The following FRAS1 variants were observed in gnomAD, a reference collection of about 807,000 sequenced individuals.
The protein encoded by FRAS1 is extracellular matrix organizing protein FRAS1.
Under a neutral mutation model 435.2 loss-of-function variants are expected in FRAS1, and 290 were observed. That is an observed-to-expected ratio of 0.67 (90% CI 0.61 to 0.73). FRAS1 has a LOEUF of 0.73. FRAS1 is among the 30% of genes least tolerant of loss of function. The pLI is 0.00. For synonymous variants in FRAS1, 1,800 were observed against 1,851.0 expected (o/e 0.97, Z 0.71); for missense variants, 4,860 against 5,001.5 (o/e 0.97, Z 0.85).
At chr4:78,452,957 G>T (rs772612781) in intron 47 of FRAS1, among the ~76,000 whole-genome samples, 1 of 152,204 alleles carries the variant, frequency 6.6e-6, no homozygotes, top group African/African-American at 2.4e-5. Flanking sequence ...CACAGAGGTG[G>T]CATTTAAGAG....
chr4:78,362,901 A>G (rs1442865486), intron 20 of FRAS1, among the ~76,000 whole-genome samples: 1 of 152,168 alleles, frequency 6.6e-6, no homozygotes, highest in East Asian at 1.9e-4. Context: ...GGCATACCAT[A>G]GGTAGTTTTG....
At chr4:78,242,387 C>T (rs1240645723) in intron 3 of FRAS1, among the ~76,000 whole-genome samples, 1 of 152,170 alleles carries the variant, frequency 6.6e-6, no homozygotes, top group Non-Finnish European at 1.5e-5. Context: ...CTGTGGTACC[C>T]TTACATTAGT....
At chr4:78,446,285 C>A in intron 42 of FRAS1, 1 of 1,008,244 alleles carries the variant, frequency 9.9e-7, no homozygotes, top group Non-Finnish European at 1.2e-6. Flanking sequence ...AAGGGGCTGG[C>A]ACCAGGGCAG....
At chr4:78,407,559 A>C (rs966714749) in intron 30 of FRAS1, 104 bp from the exon 31 acceptor site, 9 of 848,408 alleles carry the variant, frequency 1.1e-5, no homozygotes, top group East Asian at 2.6e-5. Flanking sequence ...AAAGAAGTAC[A>C]TCATTTCTTT....
chr4:78,277,116 G>T (rs539399825), intron 9 of FRAS1, among the ~76,000 whole-genome samples: 5 of 152,240 alleles, frequency 3.3e-5, no homozygotes, highest in East Asian at 1.9e-4. Context: ...CTCCGAGCCA[G>T]GCGTGGGATA....
intron 9 of FRAS1, among the ~76,000 whole-genome samples, chr4:78,273,255 G>A (rs1726807971): frequency 6.6e-6 from 1 of 152,146 alleles, no homozygotes; most frequent in South Asian, 2.1e-4. Context: ...CATGTCCTCT[G>A]CAAATAGGGA....
intron 59 of FRAS1, among the ~76,000 whole-genome samples, chr4:78,494,838 A>G (rs1476433067): frequency 6.6e-6 from 1 of 152,188 alleles, no homozygotes; most frequent in Non-Finnish European, 1.5e-5. Context: ...ACAGACTTGA[A>G]TGAGAATTTT....
intron 31 of FRAS1, among the ~76,000 whole-genome samples, chr4:78,412,471 T>C (rs1194905972): frequency 6.6e-6 from 1 of 152,222 alleles, no homozygotes; most frequent in East Asian, 1.9e-4. Context: ...GGCTGAGATT[T>C]ATTACTTACC....
intron 20 of FRAS1, among the ~76,000 whole-genome samples, chr4:78,361,058 T>G (rs1221794883): frequency 6.6e-6 from 1 of 152,252 alleles, no homozygotes; most frequent in Non-Finnish European, 1.5e-5. Context: ...CCATGGCTTT[T>G]CAGATAACGG....
intron 2 of FRAS1, among the ~76,000 whole-genome samples, chr4:78,103,851 A>G (rs573518208): frequency 1.3e-5 from 2 of 152,312 alleles, no homozygotes; most frequent in Admixed American, 1.3e-4. Context: ...CCCAATGTAA[A>G]ATATTTTGTT....
intron 20 of FRAS1, among the ~76,000 whole-genome samples, chr4:78,354,989 A>G (rs1473086648): frequency 1.3e-5 from 2 of 152,186 alleles, no homozygotes; most frequent in African/African-American, 4.8e-5. Flanking sequence ...AGCATCACAT[A>G]TTGATGACCA....
At chr4:78,071,732 A>C (rs1341100152) in intron 2 of FRAS1, 1 of 152,200 alleles carries the variant, frequency 6.6e-6, no homozygotes, top group Non-Finnish European at 1.5e-5. Context: ...AATGTCAATG[A>C]ATTAAAGTTT....
chr4:78,217,405 G>A (rs71611006), intron 2 of FRAS1, among the ~76,000 whole-genome samples: 6 of 152,088 alleles, frequency 3.9e-5, no homozygotes, highest in Non-Finnish European at 8.8e-5. Flanking sequence ...GGTTGCTGTA[G>A]GCAAAGTTGT....
intron 2 of FRAS1, among the ~76,000 whole-genome samples, chr4:78,079,663 T>C (rs1280115736): frequency 1.3e-5 from 2 of 152,134 alleles, no homozygotes; most frequent in African/African-American, 4.8e-5. Flanking sequence ...CTCCTTGTGA[T>C]GGCAGCATTG....
chr4:78,171,640 C>T lies in FRAS1; in HGVS notation c.109-65870C>T, dbSNP rs188693577. Among the ~76,000 whole-genome samples the T allele has an allele frequency of 6.3e-4, 96 of 152,220 alleles. 2 individuals are homozygous for T. In the East Asian group the frequency reaches 0.016, roughly 25 times the overall value. ...TTACCACTCTTTCCATGGCTGGGGC[C>T]GCCACCATCCTCAGGTTCTTTGCCT... On this transcript the variant is annotated intron_variant, in intron 2 of 73. Coordinates refer to ENST00000512123, the MANE Select transcript of FRAS1 (RefSeq NM_025074.7).
At chr4:78,488,159 A>T (rs1487359315) in intron 58 of FRAS1, among the ~76,000 whole-genome samples, 1 of 152,240 alleles carries the variant, frequency 6.6e-6, no homozygotes, top group Non-Finnish European at 1.5e-5. Flanking sequence ...CATCTATAGC[A>T]GTGGTCACAG....
At chr4:78,449,544 G>A (rs1718953842) in intron 44 of FRAS1, among the ~76,000 whole-genome samples, 1 of 152,076 alleles carries the variant, frequency 6.6e-6, no homozygotes, top group Admixed American at 6.5e-5. Context: ...AAGCGGCTGG[G>A]TAATAAAGCA....
At chr4:78,284,634 T>TTTAAG in intron 13 of FRAS1, 86 bp downstream of exon 13, 1 of 1,290,072 alleles carries the variant, frequency 7.8e-7, no homozygotes, top group Non-Finnish European at 1.1e-6. Flanking sequence ...TGAGGCTCAG[T>TTTAAG]ATTGTCAAGG....
intron 2 of FRAS1, among the ~76,000 whole-genome samples, chr4:78,076,156 G>T (rs1578107565): frequency 1.3e-5 from 2 of 152,102 alleles, no homozygotes; most frequent in African/African-American, 4.8e-5. Flanking sequence ...TTTGGAGGGG[G>T]TGTGGGTGGC....
Sources: allele counts gnomAD v4.1 joint callset (sites outside exome capture counted in the v4.1 genomes callset), GRCh38; gene constraint gnomAD v4.1.1; transcripts MANE v1.5; gene names NCBI Gene and HGNC (gene_info 2026-07-23, HGNC 2026-07-21).